The following RYR3 variants were observed in gnomAD, a reference collection of about 807,000 sequenced individuals.
RYR3 encodes the protein brain ryanodine receptor-calcium release channel.
Under a neutral mutation model 584.3 loss-of-function variants are expected in RYR3, and 207 were observed. The ratio of observed to expected loss-of-function variants is 0.35; its 90% CI spans 0.32 to 0.40. RYR3 has a LOEUF of 0.40. Ranked by LOEUF, RYR3 falls within the 10% of genes least tolerant of loss-of-function variation. The pLI is 1.00. For synonymous variants in RYR3, 2,416 were observed against 2,248.5 expected (o/e 1.07, Z -2.11); for missense variants, 5,616 against 6,089.2 (o/e 0.92, Z 2.59).
intron 53 of RYR3, among the ~76,000 whole-genome samples, chr15:33,747,728 A>G (rs2070884939): frequency 6.6e-6 from 1 of 152,116 alleles, no homozygotes; most frequent in African/African-American, 2.4e-5. Flanking sequence ...CCCAGCCCAC[A>G]AGAATTCTAA....
chr15:33,649,982 C>A (rs577469769), intron 31 of RYR3, among the ~76,000 whole-genome samples: 2 of 152,208 alleles, frequency 1.3e-5, no homozygotes, highest in Non-Finnish European at 2.9e-5. Context: ...AAGACAGGAA[C>A]GTTTTGCAAT....
At chr15:33,488,405 TC>T (rs1379977001) in intron 2 of RYR3, among the ~76,000 whole-genome samples, 1 of 151,758 alleles carries the variant, frequency 6.6e-6, no homozygotes, top group Non-Finnish European at 1.5e-5. Context: ...TTTTTTTTCT[TC>T]CTCCGCCGAC....
At chr15:33,736,130 T>G in intron 48 of RYR3, 105 bp from the exon 49 acceptor site, 1 of 704,466 alleles carries the variant, frequency 1.4e-6, no homozygotes, top group Non-Finnish European at 2.4e-6. Flanking sequence ...TAGGAGCTGT[T>G]TTGAGGCTTG....
At chr15:33,643,912 C>T (rs1285331660) in intron 27 of RYR3, among the ~76,000 whole-genome samples, 1 of 152,158 alleles carries the variant, frequency 6.6e-6, no homozygotes, top group Non-Finnish European at 1.5e-5. Context: ...ATTCTTTAGG[C>T]TCACTGCATT....
At chr15:33,420,793 A>C (rs2246371) in intron 1 of RYR3, among the ~76,000 whole-genome samples, 150,212 of 152,178 alleles carry the variant, frequency 0.99, 74,145 homozygotes, top group East Asian at 1. Flanking sequence ...TGAAATATGC[A>C]GATATGGAAG....
chr15:33,783,461 A>AG (rs2074506512), intron 65 of RYR3, among the ~76,000 whole-genome samples: 1 of 152,186 alleles, frequency 6.6e-6, no homozygotes, highest in Admixed American at 6.5e-5. Context: ...TGAATCACAA[A>AG]TGTTTGTTCC....
At chr15:33,780,464 T>C (rs1247611903) in intron 65 of RYR3, 123 bp downstream of exon 65, 12 of 967,700 alleles carry the variant, frequency 1.2e-5, no homozygotes, top group Non-Finnish European at 1.7e-5. Flanking sequence ...AGCCAGGAGG[T>C]GAGGTTAGGG....
At chr15:33,835,118 A>G in intron 87 of RYR3, 46 bp downstream of exon 87, 2 of 1,412,302 alleles carry the variant, frequency 1.4e-6, no homozygotes, top group Non-Finnish European at 2.0e-6. Flanking sequence ...TGAAATGCTA[A>G]GTCAGTCCTC....
At chr15:33,761,953 CA>C (rs2152869313) in intron 60 of RYR3, among the ~76,000 whole-genome samples, 1 of 152,282 alleles carries the variant, frequency 6.6e-6, no homozygotes, top group South Asian at 2.1e-4. Context: ...GCTGGTTCAA[CA>C]TACAGAAATC....
intron 1 of RYR3, among the ~76,000 whole-genome samples, chr15:33,445,853 G>A (rs2046611391): frequency 6.6e-6 from 1 of 151,790 alleles, no homozygotes; most frequent in Non-Finnish European, 1.5e-5. Context: ...GAAGAAAATC[G>A]ACGTGATTTT....
chr15:33,609,811 G>A (rs566372693), intron 18 of RYR3, among the ~76,000 whole-genome samples: 3 of 152,252 alleles, frequency 2.0e-5, no homozygotes, highest in East Asian at 1.9e-4. Context: ...GACTTGAACA[G>A]GAGGAAGAAA....
intron 11 of RYR3, among the ~76,000 whole-genome samples, chr15:33,564,432 CT>C (rs970850291): frequency 6.6e-6 from 1 of 152,154 alleles, no homozygotes; most frequent in African/African-American, 2.4e-5. Flanking sequence ...ATACAGTAGG[CT>C]TTCCGTTGAT....
intron 1 of RYR3, among the ~76,000 whole-genome samples, chr15:33,360,074 G>T (rs1974547887): frequency 6.6e-6 from 1 of 152,018 alleles, no homozygotes; most frequent in Non-Finnish European, 1.5e-5. Context: ...CAAGTTCCGG[G>T]ATTTTGTTTT....
intron 15 of RYR3, among the ~76,000 whole-genome samples, chr15:33,585,674 G>C (rs985517918): frequency 1.5e-4 from 23 of 152,146 alleles, no homozygotes; most frequent in African/African-American, 5.3e-4. Flanking sequence ...AGTATTATGT[G>C]GTTTGATCAA....
chr15:33,667,792 G>A (rs1045072051), intron 36 of RYR3, among the ~76,000 whole-genome samples: 8 of 152,042 alleles, frequency 5.3e-5, no homozygotes, highest in South Asian at 2.1e-4. Flanking sequence ...GGCCCGGCGC[G>A]GTGGCTCATG....
chr15:33,435,072 G>A (rs1343718873), intron 1 of RYR3, among the ~76,000 whole-genome samples: 1 of 151,952 alleles, frequency 6.6e-6, no homozygotes, highest in Non-Finnish European at 1.5e-5. Flanking sequence ...CGCCCGCCTC[G>A]ACCTCCCAAA....
rs777159610 is a variant in RYR3, at chr15:33,780,307, G to C, written c.9234G>C (p.Ser3078=). The part of the protein sequence containing the change: ...EPTLNRYNPL[S]VFNTKTPRER... ...CCCTTAATCGCTACAATCCACTCTC[G>C]GTCTTCAACACCAAAACCCCCAGGG... The change falls in exon 65 of 104, where the codon TCG becomes TCC. Residue 3078 remains serine, a synonymous_variant. Coordinates refer to ENST00000634891, the MANE Select transcript of RYR3 (RefSeq NM_001036.6). The C allele has an allele frequency of 1.2e-6, 2 of 1,613,784 alleles. No homozygotes were observed. Among genetic ancestry groups the C allele is most frequent in the Non-Finnish European group, 1.7e-6 (2 of 1,179,808 alleles).
At chr15:33,788,025 G>A (rs1177270641) in intron 66 of RYR3, among the ~76,000 whole-genome samples, 193 bp from the exon 67 acceptor site, 1 of 152,242 alleles carries the variant, frequency 6.6e-6, no homozygotes, top group Non-Finnish European at 1.5e-5. Context: ...TTCTCCCATA[G>A]TGGCCTCGGT....
intron 32 of RYR3, among the ~76,000 whole-genome samples, chr15:33,653,442 C>T (rs1030462502): frequency 2.6e-5 from 4 of 151,976 alleles, no homozygotes; most frequent in Non-Finnish European, 2.9e-5. Context: ...GAGGCCGAGG[C>T]GGGGGGATCA....
Sources: gnomAD v4.1 joint callset for allele counts (sites outside exome capture counted in the v4.1 genomes callset) on GRCh38, gnomAD v4.1.1 for gene constraint, MANE v1.5 for transcripts, NCBI Gene and HGNC (gene_info 2026-07-23, HGNC 2026-07-21) for gene names.